CALN1: variants seen among roughly 807,000 people sequenced by gnomAD.
The protein encoded by CALN1 is calcium-binding protein 8.
A neutral mutation model predicts 30.6 loss-of-function variants in CALN1; 17 were observed. The ratio of observed to expected loss-of-function variants is 0.56; its 90% CI spans 0.38 to 0.83. CALN1 has a LOEUF of 0.83. Ranked by LOEUF, CALN1 falls within the 40% of genes least tolerant of loss-of-function variation. CALN1 has a pLI of 0.00. For synonymous variants in CALN1, 156 were observed against 131.4 expected (o/e 1.19, Z -1.28); for missense variants, 291 against 354.9 (o/e 0.82, Z 1.45).
At chr7:71,839,440 G>C (rs1789810149) in intron 5 of CALN1, among the ~76,000 whole-genome samples, 1 of 152,176 alleles carries the variant, frequency 6.6e-6, no homozygotes, top group South Asian at 2.1e-4. Flanking sequence ...GCTGAGGCAG[G>C]AGATTCGCCT....
chr7:72,012,386 G>A (rs1201668993), intron 5 of CALN1, among the ~76,000 whole-genome samples: 1 of 152,100 alleles, frequency 6.6e-6, no homozygotes, highest in African/African-American at 2.4e-5. Context: ...GGTGGCGGGT[G>A]CCTGTAGTGC....
At chr7:72,088,497 G>A (rs1294484340) in intron 4 of CALN1, among the ~76,000 whole-genome samples, 1 of 151,972 alleles carries the variant, frequency 6.6e-6, no homozygotes, top group Non-Finnish European at 1.5e-5. Context: ...TCAGGAGTTG[G>A]AGACCAGCCT....
intron 2 of CALN1, among the ~76,000 whole-genome samples, chr7:72,325,944 C>A (rs1742394799): frequency 6.6e-6 from 1 of 152,180 alleles, no homozygotes; most frequent in South Asian, 2.1e-4. Flanking sequence ...TTCTGTCACC[C>A]AGGCTGGAAT....
chr7:72,056,503 T>C (rs1332743610), intron 4 of CALN1, among the ~76,000 whole-genome samples: 1 of 152,176 alleles, frequency 6.6e-6, no homozygotes, highest in African/African-American at 2.4e-5. Flanking sequence ...AAATCGATTT[T>C]ATTCCTCACT....
intron 1 of CALN1, among the ~76,000 whole-genome samples, chr7:72,429,720 T>C (rs1807910467): frequency 1.3e-5 from 2 of 148,388 alleles, no homozygotes; most frequent in Non-Finnish European, 3.0e-5. Flanking sequence ...TTATTATATG[T>C]AATTATATAT....
chr7:71,985,874 G>T (rs987190891), intron 5 of CALN1, among the ~76,000 whole-genome samples: 1 of 151,982 alleles, frequency 6.6e-6, no homozygotes, highest in Non-Finnish European at 1.5e-5. Context: ...ACAGGTGTGA[G>T]CCACTGTACC....
chr7:71,853,661 C>A (rs1452829597), intron 5 of CALN1, among the ~76,000 whole-genome samples: 2 of 152,066 alleles, frequency 1.3e-5, no homozygotes, highest in Admixed American at 6.6e-5. Flanking sequence ...CTCACTGCAA[C>A]CTCTGCCTCC....
chr7:72,284,413 TTTGG>T (rs1797937291), intron 2 of CALN1, among the ~76,000 whole-genome samples: 1 of 152,208 alleles, frequency 6.6e-6, no homozygotes, highest in Non-Finnish European at 1.5e-5. Flanking sequence ...TGCCCAGATA[TTTGG>T]TTGAACATTA....
intron 5 of CALN1, among the ~76,000 whole-genome samples, chr7:71,964,070 C>G (rs886581767): frequency 3.3e-5 from 5 of 152,182 alleles, no homozygotes; most frequent in African/African-American, 1.2e-4. Context: ...TAAGGTTTAT[C>G]CACACTGCTA....
intron 3 of CALN1, among the ~76,000 whole-genome samples, chr7:72,176,551 T>C (rs1789373202): frequency 1.3e-5 from 2 of 152,100 alleles, no homozygotes; most frequent in African/African-American, 4.8e-5. Flanking sequence ...ACTCTCGCCA[T>C]GTAACATGCT....
intron 2 of CALN1, among the ~76,000 whole-genome samples, chr7:72,281,849 C>G (rs986443598): frequency 6.6e-6 from 1 of 152,136 alleles, no homozygotes; most frequent in African/African-American, 2.4e-5. Flanking sequence ...ACCCACGCCC[C>G]AGTTCAGCCA....
chr7:72,187,999 A>G (rs574993823), intron 3 of CALN1, among the ~76,000 whole-genome samples: 1 of 152,282 alleles, frequency 6.6e-6, no homozygotes, highest in Non-Finnish European at 1.5e-5. Flanking sequence ...TGCGGTGAAA[A>G]GGAAACACTT....
chr7:71,990,074 G>T (rs577810451), intron 5 of CALN1, among the ~76,000 whole-genome samples: 42 of 152,262 alleles, frequency 2.8e-4, no homozygotes, highest in African/African-American at 9.4e-4. Flanking sequence ...CACAGGATGA[G>T]ATTGGAGTTT....
intron 4 of CALN1, among the ~76,000 whole-genome samples, chr7:72,063,145 T>A (rs1028004640): frequency 6.6e-6 from 1 of 152,208 alleles, no homozygotes; most frequent in Non-Finnish European, 1.5e-5. Flanking sequence ...AAGCTGTTCT[T>A]GAGCTGTATC....
intron 3 of CALN1, among the ~76,000 whole-genome samples, chr7:72,194,258 G>A (rs1012417585): frequency 1.3e-5 from 2 of 152,186 alleles, no homozygotes; most frequent in Admixed American, 1.3e-4. Context: ...AGTGCAGTGT[G>A]GTAGCTCATG....
chr7:72,099,387 T>TA lies in CALN1; in HGVS notation c.388+6763dup, dbSNP rs1382615169. The stretch of plus-strand genomic sequence containing the variant: ...ACATGTTCCACACCAAAGAGAAACT[T>TA]AATTAGGTAGGCTCGAATCTCTGGA... On this transcript the variant is annotated intron_variant, in intron 4 of 6. Transcript: ENST00000395275. 2.0e-5 allele frequency among the ~76,000 whole-genome samples: 3 copies of TA among 151,564 alleles called. No individual in the cohort carries two copies. The East Asian group carries it at 5.9e-4, about 30-fold the overall frequency.
chr7:71,866,166 C>T (rs573294654), intron 5 of CALN1, among the ~76,000 whole-genome samples: 103 of 151,948 alleles, frequency 6.8e-4, no homozygotes, highest in Admixed American at 2.0e-4. Flanking sequence ...CCACCACACC[C>T]GGCTAATTTT....
chr7:72,164,062 TC>T (rs1788337231), intron 3 of CALN1, among the ~76,000 whole-genome samples: 3 of 152,116 alleles, frequency 2.0e-5, no homozygotes, highest in Admixed American at 2.0e-4. Flanking sequence ...ACAACTGGTA[TC>T]CTTTTAAGAA....
chr7:72,430,413 G>A (rs1336336587), intron 1 of CALN1, among the ~76,000 whole-genome samples: 1 of 151,702 alleles, frequency 6.6e-6, no homozygotes, highest in Non-Finnish European at 1.5e-5. Flanking sequence ...AAATTATGAT[G>A]TTTAAGGTTA....
Sources: allele counts gnomAD v4.1 joint callset (sites outside exome capture counted in the v4.1 genomes callset), GRCh38; gene constraint gnomAD v4.1.1; transcripts MANE v1.5; gene names NCBI Gene and HGNC (gene_info 2026-07-23, HGNC 2026-07-21).